Variants in TLE1 observed in about 807,000 individuals in gnomAD.
The protein encoded by TLE1 is transducin-like enhancer protein 1.
TLE1 carries 21 observed loss-of-function variants against 89.8 expected under a neutral mutation model. The ratio of observed to expected loss-of-function variants is 0.23; its 90% CI spans 0.17 to 0.34. TLE1 has a LOEUF of 0.34. Ranked by LOEUF, TLE1 falls within the 10% of genes least tolerant of loss-of-function variation. The probability of loss-of-function intolerance (pLI) is 1.00; values close to 1 mark genes in which losing one functional copy is unlikely to be tolerated. For missense variants in TLE1, 795 were observed against 1,031.2 expected (o/e 0.77, Z 3.14); for synonymous variants, 447 against 407.6 (o/e 1.10, Z -1.16).
intron 4 of TLE1, among the ~76,000 whole-genome samples, chr9:81,677,624 G>A (rs1170668202): frequency 6.8e-6 from 1 of 146,498 alleles, no homozygotes; most frequent in African/African-American, 2.5e-5. Context: ...TTTTCACCAA[G>A]AGGTTGTACG....
chr9:81,603,355 C>A (rs529935599), intron 14 of TLE1, among the ~76,000 whole-genome samples: 2 of 152,268 alleles, frequency 1.3e-5, no homozygotes, highest in Admixed American at 1.3e-4. Context: ...GGATATGCCA[C>A]ACCAAATATG....
chr9:81,649,229 GA>G (rs2132581596), intron 6 of TLE1, among the ~76,000 whole-genome samples: 1 of 152,282 alleles, frequency 6.6e-6, no homozygotes, highest in Admixed American at 6.5e-5. Flanking sequence ...TGGTGAGAAA[GA>G]ATTAAAATTC....
At chr9:81,661,207 T>C (rs796893265) in intron 4 of TLE1, among the ~76,000 whole-genome samples, 6 of 24,066 alleles carry the variant, frequency 2.5e-4, no homozygotes, top group Non-Finnish European at 3.5e-4. Context: ...TATGTATTTT[T>C]ATATATATAT....
At chr9:81,631,465 C>T (rs1222603508) in intron 8 of TLE1, among the ~76,000 whole-genome samples, 1 of 152,188 alleles carries the variant, frequency 6.6e-6, no homozygotes, top group Non-Finnish European at 1.5e-5. Context: ...AGTTATAGGA[C>T]TTTTGCTGAA....
chr9:81,621,868 G>A (rs1825304036), intron 8 of TLE1, among the ~76,000 whole-genome samples: 1 of 152,156 alleles, frequency 6.6e-6, no homozygotes, highest in Non-Finnish European at 1.5e-5. Flanking sequence ...TGACTCTAGA[G>A]GAGCTGGGCT....
At chr9:81,671,158 ACT>A (rs965793609) in intron 4 of TLE1, among the ~76,000 whole-genome samples, 1 of 152,080 alleles carries the variant, frequency 6.6e-6, no homozygotes, top group Non-Finnish European at 1.5e-5. Flanking sequence ...ACAGAGTGAG[ACT>A]CTGTCTCAAA....
At chr9:81,640,417 G>A (rs1052561411) in intron 6 of TLE1, among the ~76,000 whole-genome samples, 1 of 151,390 alleles carries the variant, frequency 6.6e-6, no homozygotes. Context: ...AAAAATCCTT[G>A]TATTTTACAA....
intron 16 of TLE1, among the ~76,000 whole-genome samples, chr9:81,588,098 A>G (rs149567945): frequency 6.6e-5 from 10 of 152,300 alleles, no homozygotes; most frequent in Non-Finnish European, 1.3e-4. Context: ...GAACTTAAAT[A>G]TGCTACTCTG....
intron 4 of TLE1, among the ~76,000 whole-genome samples, chr9:81,673,757 G>A (rs967885356): frequency 6.6e-6 from 1 of 152,134 alleles, no homozygotes; most frequent in Non-Finnish European, 1.5e-5. Flanking sequence ...GGAGCTCCAC[G>A]GATGGGGGCT....
At chr9:81,613,906 CTTTT>C (rs761514885) in intron 11 of TLE1, among the ~76,000 whole-genome samples, 2 of 89,918 alleles carry the variant, frequency 2.2e-5, no homozygotes, top group Admixed American at 1.3e-4. Context: ...CTTTTCTTTT[CTTTT>C]TTTTTTTTTT....
chr9:81,600,129 A>G (rs753375787), intron 14 of TLE1: 1 of 736,776 alleles, frequency 1.4e-6, no homozygotes, highest in Non-Finnish European at 2.5e-6. Flanking sequence ...AAACAGGACA[A>G]AGATACAAAT....
chr9:81,592,013 T>C (rs1483873872), intron 15 of TLE1, among the ~76,000 whole-genome samples: 1 of 152,068 alleles, frequency 6.6e-6, no homozygotes, highest in Non-Finnish European at 1.5e-5. Context: ...CAGCTCGGAG[T>C]CTGCTTAAGG....
intron 14 of TLE1, among the ~76,000 whole-genome samples, chr9:81,597,374 C>T (rs1830361792): frequency 6.6e-6 from 1 of 152,112 alleles, no homozygotes; most frequent in East Asian, 1.9e-4. Context: ...GGGAGGAAGA[C>T]GCAGGGTGGG....
chr9:81,665,363 G>A (rs777666987), intron 4 of TLE1, among the ~76,000 whole-genome samples: 11 of 152,100 alleles, frequency 7.2e-5, no homozygotes, highest in African/African-American at 2.2e-4. Flanking sequence ...CCAATTACTG[G>A]CAGATAATAA....
intron 14 of TLE1, 91 bp from the exon 15 acceptor site, chr9:81,593,365 A>G (rs1829804788): frequency 1.4e-6 from 2 of 1,429,448 alleles, no homozygotes; most frequent in Non-Finnish European, 1.9e-6. Context: ...TATGAAAAAG[A>G]TGAAAAAAAG....
intron 4 of TLE1, among the ~76,000 whole-genome samples, chr9:81,672,994 C>T (rs971190958): frequency 6.6e-6 from 1 of 152,106 alleles, no homozygotes; most frequent in South Asian, 2.1e-4. Flanking sequence ...CCAACAAGGC[C>T]GGACGCGGTG....
chr9:81,600,702 T>C (rs896216452), intron 14 of TLE1, among the ~76,000 whole-genome samples: 2 of 151,108 alleles, frequency 1.3e-5, no homozygotes, highest in Admixed American at 6.6e-5. Context: ...TTAAATCAAC[T>C]AAGGGACACC....
chr9:81,652,382 G>A, intron 5 of TLE1, 94 bp from the exon 6 acceptor site: 1 of 982,650 alleles, frequency 1.0e-6, no homozygotes, highest in Non-Finnish European at 1.6e-6. Context: ...GTGCAATGCA[G>A]GCTGAAGTAG....
At chr9:81,612,315 T>C in intron 12 of TLE1, 1 of 1,039,276 alleles carries the variant, frequency 9.6e-7, no homozygotes, top group Non-Finnish European at 1.2e-6. Context: ...AAAAGAAGAT[T>C]TTCTCGATAA....
Sources: gnomAD v4.1 joint callset for allele counts (sites outside exome capture counted in the v4.1 genomes callset) on GRCh38, gnomAD v4.1.1 for gene constraint, MANE v1.5 for transcripts, NCBI Gene and HGNC (gene_info 2026-07-23, HGNC 2026-07-21) for gene names.